The following PAXIP1 variants were observed in gnomAD, a reference collection of about 807,000 sequenced individuals.
PAXIP1 encodes PAX-interacting protein 1.
A neutral mutation model predicts 140.6 loss-of-function variants in PAXIP1; 19 were observed. The observed-to-expected ratio is 0.14, with a 90% confidence interval of 0.09 to 0.20. The LOEUF (loss-of-function observed/expected upper bound fraction) is 0.20. PAXIP1 is among the 10% of genes least tolerant of loss of function. PAXIP1 has a pLI of 1.00. For synonymous variants in PAXIP1, 442 were observed against 444.6 expected (o/e 0.99, Z 0.07); for missense variants, 920 against 1,208.6 (o/e 0.76, Z 3.54).
Position 154,943,976 on chromosome 7 carries a change from C to A in PAXIP1, c.*173G>T. On this transcript the variant is annotated 3_prime_UTR_variant, in exon 21 of 21. Transcript: ENST00000404141. ...TATGTTTCCTCAGAATAAAATTGCA[C>A]ATCTTAAAAAGATGCAGTATATTTA... 1.5e-6 allele frequency: 1 copy of A among 666,880 alleles called. No homozygotes were observed. Among genetic ancestry groups the A allele is most frequent in the South Asian group, 1.6e-5 (1 of 62,126 alleles). The allele number at this position is 666,880 out of a possible 1,614,324, so 41.3% of individuals were successfully genotyped here. A position where few individuals can be genotyped will look rare whatever the true frequency, so the allele number is the denominator to read the frequency against.
chr7:155,000,295 CCTTT>C (rs1428236267), intron 1 of PAXIP1: 5 of 152,246 alleles, frequency 3.3e-5, no homozygotes, highest in Non-Finnish European at 1.5e-5. Context: ...GGCCACTTTA[CCTTT>C]CTTCCTTCCC....
At chr7:154,964,725 T>G (rs762978274) in intron 8 of PAXIP1, 2 of 152,218 alleles carry the variant, frequency 1.3e-5, no homozygotes, top group Non-Finnish European at 2.9e-5. Flanking sequence ...CTTCAAGCCT[T>G]CCTGATTTGG....
At chr7:154,952,733 T>A (rs1209073942) in intron 16 of PAXIP1, among the ~76,000 whole-genome samples, 1 of 152,190 alleles carries the variant, frequency 6.6e-6, no homozygotes, top group Non-Finnish European at 1.5e-5. Context: ...ACCCAGAGAC[T>A]ACAGTACAGC....
chr7:154,952,431 G>A (rs1455913792), intron 16 of PAXIP1, among the ~76,000 whole-genome samples: 1 of 152,170 alleles, frequency 6.6e-6, no homozygotes, highest in Non-Finnish European at 1.5e-5. Context: ...TCTATTTAGT[G>A]CTATTGCTTT....
intron 2 of PAXIP1, among the ~76,000 whole-genome samples, chr7:154,997,205 G>A (rs932618188): frequency 2.0e-5 from 3 of 152,144 alleles, no homozygotes; most frequent in South Asian, 2.1e-4. Context: ...CTCTGGCCCC[G>A]CAATTTGACT....
Position 154,976,201 on chromosome 7 carries a change from T to A in PAXIP1, c.569A>T (p.Glu190Val), listed in dbSNP as rs1220831862. The change falls in exon 6 of 21, where the codon GAG (glutamate) becomes GTG (valine). Residue 190 changes from glutamate to valine, a missense_variant. By Grantham distance (121) the Glu-to-Val change is moderately radical. Transcript: ENST00000404141. ...CTCCTCTTCCTCTTCCTCTTCTTCC[T>A]CTTCATAAATAATCAGACGAGGATG... is the stretch of plus-strand genomic sequence containing the variant. ...FYHPRLIIYE[E>V]EEEEEEEEEE... 6.2e-7 allele frequency: 1 copy of A among 1,612,836 alleles called. No homozygotes were observed. Among genetic ancestry groups the A allele is most frequent in the East Asian group, 2.2e-5 (1 of 44,896 alleles).
intron 5 of PAXIP1, among the ~76,000 whole-genome samples, chr7:154,979,804 C>T (rs1278187596): frequency 6.6e-6 from 1 of 152,058 alleles, no homozygotes; most frequent in Non-Finnish European, 1.5e-5. Context: ...AGGGAAGAGG[C>T]GAGGTGAGGC....
At position 154,980,237 on chromosome 7, in the gene PAXIP1, C is replaced by T. The variant is rs959341235; in HGVS notation, c.438+2982G>A. ...TATTTCTAGCTTATTCAAAAATTTA[C>T]AAGTTAGTCAGTTTTTTTTTTAATT... On this transcript the variant is annotated intron_variant, in intron 5 of 20. Coordinates refer to ENST00000404141, the MANE Select transcript of PAXIP1 (RefSeq NM_007349.4). Among the ~76,000 whole-genome samples the T allele has an allele frequency of 2.6e-5, 4 of 151,568 alleles. 1 individual carries two copies. The highest frequency in any genetic ancestry group is 9.7e-5 in the African/African-American group (4 of 41,250).
At chr7:155,002,774 G>A (rs1563397406) in intron 1 of PAXIP1, 75 bp downstream of exon 1, 2 of 697,484 alleles carry the variant, frequency 2.9e-6, no homozygotes, top group South Asian at 3.3e-5. Context: ...CGGCAGGAGC[G>A]GGGACGGGGA....
At chr7:154,957,770 A>G (rs1234916847) in intron 13 of PAXIP1, among the ~76,000 whole-genome samples, 2 of 151,638 alleles carry the variant, frequency 1.3e-5, no homozygotes, top group Admixed American at 1.3e-4. Context: ...GATCGAGACC[A>G]TCCTGGCTAA....
At chr7:154,960,064 G>A (rs2272174) in intron 12 of PAXIP1, 131 bp from the exon 13 acceptor site, 354,717 of 645,858 alleles carry the variant, frequency 0.55, 100,522 homozygotes, top group Middle Eastern at 0.61. Context: ...AAGGATAAAT[G>A]TAAGTACTAT....
chr7:154,964,999 C>T (rs1808941255), intron 8 of PAXIP1: 1 of 152,222 alleles, frequency 6.6e-6, no homozygotes, highest in Non-Finnish European at 1.5e-5. Flanking sequence ...TTACTGTATA[C>T]TCCTCCCTCT....
intron 4 of PAXIP1, chr7:154,985,942 T>C (rs1208197113): frequency 1.7e-6 from 2 of 1,196,858 alleles, no homozygotes; most frequent in East Asian, 1.0e-4. Flanking sequence ...GGAAAGGACT[T>C]TTTAGTCTTC....
intron 2 of PAXIP1, among the ~76,000 whole-genome samples, chr7:154,997,254 G>C (rs367844693): frequency 6.6e-6 from 1 of 151,848 alleles, no homozygotes; most frequent in African/African-American, 2.4e-5. Flanking sequence ...TTTTCTTTTT[G>C]TTTAAGAGAT....
chr7:154,971,589 G>GT (rs1809334271), intron 6 of PAXIP1, among the ~76,000 whole-genome samples: 1 of 152,200 alleles, frequency 6.6e-6, no homozygotes, highest in Non-Finnish European at 1.5e-5. Flanking sequence ...CCTGGAGAAC[G>GT]TAAGAAAAAG....
intron 10 of PAXIP1, 69 bp downstream of exon 10, chr7:154,962,252 A>G (rs370862514): frequency 1.9e-6 from 3 of 1,567,854 alleles, no homozygotes; most frequent in African/African-American, 2.7e-5. Flanking sequence ...TCAGGTAAGC[A>G]CTAGCAAGTG....
At chr7:154,962,740 T>C (rs1216507465) in intron 9 of PAXIP1, 1 of 218,994 alleles carries the variant, frequency 4.6e-6, no homozygotes, top group Non-Finnish European at 9.1e-6. Context: ...AAACAACATG[T>C]GTGACCACCA....
At position 154,944,125 on chromosome 7, in the gene PAXIP1, A is replaced by C; in HGVS notation, c.*24T>G. 1 of 1,612,182 alleles carries C rather than the reference A, an allele frequency of 6.2e-7. No individual in the cohort carries two copies. On this transcript the variant is annotated 3_prime_UTR_variant, in exon 21 of 21. Coordinates refer to ENST00000404141, the MANE Select transcript of PAXIP1 (RefSeq NM_007349.4). ...AGCCAGCCCCGCACCGCAGGAGTCGACATGCACGGCAGCCTAGACGCCATC... is the reference window on the plus strand; with the variant it reads ...AGCCAGCCCCGCACCGCAGGAGTCGCCATGCACGGCAGCCTAGACGCCATC...
At chr7:154,952,628 A>T (rs1808322520) in intron 16 of PAXIP1, among the ~76,000 whole-genome samples, 1 of 152,192 alleles carries the variant, frequency 6.6e-6, no homozygotes, top group Non-Finnish European at 1.5e-5. Context: ...TGAATAAGGT[A>T]CCTTTAAACA....
Sources: gnomAD v4.1 joint callset for allele counts (sites outside exome capture counted in the v4.1 genomes callset) on GRCh38, gnomAD v4.1.1 for gene constraint, MANE v1.5 for transcripts, NCBI Gene and HGNC (gene_info 2026-07-23, HGNC 2026-07-21) for gene names.